Variants in CD1B observed in about 807,000 individuals in gnomAD.
CD1B encodes the protein T-cell surface glycoprotein CD1b.
Under a neutral mutation model 39.8 loss-of-function variants are expected in CD1B, and 43 were observed. The observed-to-expected ratio is 1.08, with a 90% CI of 0.85 to 1.39. The LOEUF (loss-of-function observed/expected upper bound fraction) is 1.39. CD1B is among the 40% of genes most tolerant of loss of function. The pLI is 0.00. For missense variants in CD1B, 495 were observed against 403.8 expected (o/e 1.23, Z -1.94); for synonymous variants, 192 against 152.5 (o/e 1.26, Z -1.91).
At chr1:158,319,531 T>C in the CD1B span, among the ~76,000 whole-genome samples, 1 of 152,300 alleles carries the variant, frequency 6.6e-6, no homozygotes, top group African/African-American at 2.4e-5. Context: ...TTTAAGCACT[T>C]CTCTGTGTTG....
the CD1B span, among the ~76,000 whole-genome samples, chr1:158,301,950 C>T: frequency 6.6e-6 from 1 of 152,104 alleles, no homozygotes; most frequent in Admixed American, 6.6e-5. Context: ...TTTCTTTTCA[C>T]ATAGTACCAT....
the CD1B span, among the ~76,000 whole-genome samples, chr1:158,318,591 C>A: frequency 6.6e-6 from 1 of 152,118 alleles, no homozygotes; most frequent in Non-Finnish European, 1.5e-5. Flanking sequence ...GAATACAGCA[C>A]ACTGATGGGT....
chr1:158,317,823 C>A, the CD1B span, among the ~76,000 whole-genome samples: 2 of 152,330 alleles, frequency 1.3e-5, no homozygotes, highest in East Asian at 3.9e-4. Flanking sequence ...TCCCTCTACA[C>A]ACTGCTTTGA....
the CD1B span, among the ~76,000 whole-genome samples, chr1:158,306,475 A>G: frequency 6.6e-6 from 1 of 152,208 alleles, no homozygotes; most frequent in Admixed American, 6.5e-5. Context: ...CCACACAATA[A>G]TAATGGGAGA....
chr1:158,296,016 G>T, the CD1B span, among the ~76,000 whole-genome samples: 1 of 152,016 alleles, frequency 6.6e-6, no homozygotes, highest in African/African-American at 2.4e-5. Context: ...TACCATCCCT[G>T]GTGTACATGT....
At chr1:158,320,511 T>C in the CD1B span, among the ~76,000 whole-genome samples, 6 of 152,134 alleles carry the variant, frequency 3.9e-5, no homozygotes, top group East Asian at 1.2e-3. Context: ...CTCACCCCGC[T>C]TCAGCTGGCA....
chr1:158,292,488 T>G, the CD1B span: 2 of 1,491,354 alleles, frequency 1.3e-6, no homozygotes, highest in Non-Finnish European at 1.8e-6. Context: ...GGTAATAGTT[T>G]CTTAGAGGCA....
the CD1B span, among the ~76,000 whole-genome samples, chr1:158,294,916 G>C: frequency 1.3e-5 from 2 of 152,172 alleles, no homozygotes; most frequent in Admixed American, 1.3e-4. Context: ...TGGCTTCCCA[G>C]ATCTGGCAGG....
rs781133051 is a variant in CD1B, at chr1:158,328,977, T to G, written c.924A>C (p.Ile308=). The change falls in exon 5 of 6, where the codon ATA becomes ATC. Residue 308 remains isoleucine, a synonymous_variant. Transcript: ENST00000368168. The part of the protein sequence containing the change: ...PTSIGSIVLA[I]IVPSLLLLLC... The stretch of plus-strand genomic sequence containing the variant: ...GCAAAAGGAGCAAGGAAGGCACTAT[T>G]ATTGCCAAAACAATTGAGCCAATGG... The G allele has an allele frequency of 9.9e-6, 16 of 1,613,850 alleles. No homozygotes were observed. The highest frequency in any genetic ancestry group is 1.3e-5 in the Non-Finnish European group (15 of 1,179,962).
downstream of CD1B, among the ~76,000 whole-genome samples, chr1:158,323,849 C>T (rs1652266378): frequency 6.6e-6 from 1 of 152,190 alleles, no homozygotes; most frequent in Non-Finnish European, 1.5e-5. Context: ...AGTCCAGGAG[C>T]CTGTCTCATT....
At chr1:158,306,104 G>A in the CD1B span, among the ~76,000 whole-genome samples, 8 of 152,110 alleles carry the variant, frequency 5.3e-5, no homozygotes, top group African/African-American at 9.7e-5. Context: ...ATGTAAATGG[G>A]CTAAATGCTC....
rs777599670 is a variant in CD1B, at chr1:158,328,018, A to G, written c.*218T>C. 4.4e-6 allele frequency: 2 copies of G among 454,948 alleles called. No individual in the cohort carries two copies. Among genetic ancestry groups the G allele is most frequent in the Non-Finnish European group, 7.8e-6 (2 of 256,446 alleles). 28.2% of individuals were successfully genotyped at this position (454,948 alleles called of 1,614,324 possible). ...TTTCTAACATTTTAATGTGTGTAAA[A>G]TCAGGGTGAATCACACTGTTAGTAC... On this transcript the variant is annotated 3_prime_UTR_variant, in exon 6 of 6. Coordinates refer to ENST00000368168, the MANE Select transcript of CD1B (RefSeq NM_001764.3).
At chr1:158,291,015 G>A in the CD1B span, 1 of 1,072,200 alleles carries the variant, frequency 9.3e-7, no homozygotes, top group Non-Finnish European at 1.3e-6. Flanking sequence ...AAATGGTATA[G>A]CTAAAGTAGT....
At chr1:158,312,941 T>G in the CD1B span, among the ~76,000 whole-genome samples, 1 of 152,276 alleles carries the variant, frequency 6.6e-6, no homozygotes, top group South Asian at 2.1e-4. Flanking sequence ...TTAGAGAAAT[T>G]TCTTTCATCT....
the CD1B span, among the ~76,000 whole-genome samples, chr1:158,315,773 G>A: frequency 6.6e-6 from 1 of 152,024 alleles, no homozygotes; most frequent in Non-Finnish European, 1.5e-5. Flanking sequence ...TTTTCTTGTA[G>A]GGTTTTTATG....
the CD1B span, among the ~76,000 whole-genome samples, chr1:158,321,145 T>C: frequency 1.1e-4 from 17 of 152,358 alleles, no homozygotes; most frequent in East Asian, 2.5e-3. Flanking sequence ...TATATCTCCC[T>C]GTAGGCCTAT....
At chr1:158,314,982 G>A in the CD1B span, among the ~76,000 whole-genome samples, 18 of 147,660 alleles carry the variant, frequency 1.2e-4, no homozygotes, top group African/African-American at 3.3e-4. Context: ...CAAAGGACAT[G>A]AACTCATCAT....
downstream of CD1B, among the ~76,000 whole-genome samples, chr1:158,326,043 C>T (rs572392546): frequency 6.6e-6 from 1 of 152,274 alleles, no homozygotes; most frequent in African/African-American, 2.4e-5. Flanking sequence ...GATCTCGGCT[C>T]ACTGCAAGCT....
At chr1:158,307,386 A>G in the CD1B span, among the ~76,000 whole-genome samples, 5 of 152,228 alleles carry the variant, frequency 3.3e-5, no homozygotes, top group Admixed American at 6.5e-5. Flanking sequence ...TAAATCAGGA[A>G]GAATTTGAAT....
Sources: gnomAD v4.1 joint callset for allele counts (sites outside exome capture counted in the v4.1 genomes callset) on GRCh38, gnomAD v4.1.1 for gene constraint, MANE v1.5 for transcripts, NCBI Gene and HGNC (gene_info 2026-07-23, HGNC 2026-07-21) for gene names.